Variants in CERKL observed in about 807,000 individuals in gnomAD.
The protein encoded by CERKL is ceramide kinase-like protein.
In CERKL, 61 loss-of-function variants were observed where a neutral mutation model predicts 63.4. The observed-to-expected ratio is 0.96, with a 90% confidence interval of 0.78 to 1.19. The LOEUF (loss-of-function observed/expected upper bound fraction) is 1.19. Among genes scored for constraint, CERKL ranks in the 50% most tolerant of loss-of-function variants. The pLI is 0.00. For synonymous variants in CERKL, 250 were observed against 230.5 expected (o/e 1.08, Z -0.77); for missense variants, 675 against 655.5 (o/e 1.03, Z -0.33).
At chr2:181,539,365 T>C (rs1267882907) in intron 11 of CERKL, 101 bp from the exon 12 acceptor site, 4 of 750,490 alleles carry the variant, frequency 5.3e-6, no homozygotes, top group Non-Finnish European at 9.1e-6. Flanking sequence ...TATCAGCATG[T>C]ATGCTGACAT....
At chr2:181,585,102 A>G (rs1357947814) in intron 2 of CERKL, among the ~76,000 whole-genome samples, 1 of 152,012 alleles carries the variant, frequency 6.6e-6, no homozygotes, top group Non-Finnish European at 1.5e-5. Flanking sequence ...TGTATAGAAG[A>G]GGAAATATTT....
At chr2:181,576,366 G>A (rs186372411) in intron 2 of CERKL, among the ~76,000 whole-genome samples, 1 of 152,196 alleles carries the variant, frequency 6.6e-6, no homozygotes, top group Non-Finnish European at 1.5e-5. Flanking sequence ...AATACAAAGG[G>A]CACACTTTTA....
intron 1 of CERKL, 44 bp downstream of exon 1, chr2:181,656,725 G>T: frequency 6.7e-7 from 1 of 1,498,696 alleles, no homozygotes; most frequent in Non-Finnish European, 9.0e-7. Flanking sequence ...GGGAGAGGGA[G>T]GAAGCGCGGA....
At position 181,599,441 on chromosome 2, in the gene CERKL, G is replaced by A. The variant is rs1170276730; in HGVS notation, c.481+4396C>T. On this transcript the variant is annotated intron_variant, in intron 2 of 12. Transcript: ENST00000410087. ...AATCCCAGCTACTCCAGAAGGTGAG[G>A]CAGGAGAATCGCTTGAACCCAGGAG... 3.9e-5 allele frequency among the ~76,000 whole-genome samples: 6 copies of A among 151,928 alleles called. No homozygotes were observed. The East Asian group carries it at 5.8e-4, about 15-fold the overall frequency.
At chr2:181,603,622 A>C in intron 2 of CERKL, 1 of 590,794 alleles carries the variant, frequency 1.7e-6, no homozygotes, top group Non-Finnish European at 3.1e-6. Context: ...TTAATATAAG[A>C]TACCACATTA....
intron 1 of CERKL, among the ~76,000 whole-genome samples, chr2:181,634,841 A>ATTAATTAATTTAAAAAAT (rs1687106235): frequency 6.6e-6 from 1 of 152,204 alleles, no homozygotes; most frequent in South Asian, 2.1e-4. Context: ...TTTAATGTAA[A>ATTAATTAATTTAAAAAAT]GCAACACATA....
At chr2:181,583,550 CAAAG>C (rs1684630500) in intron 2 of CERKL, among the ~76,000 whole-genome samples, 1 of 152,126 alleles carries the variant, frequency 6.6e-6, no homozygotes, top group Non-Finnish European at 1.5e-5. Context: ...AACGATATCA[CAAAG>C]AAGCCATCGG....
intron 1 of CERKL, among the ~76,000 whole-genome samples, chr2:181,628,510 T>C (rs1686808797): frequency 6.6e-6 from 1 of 152,098 alleles, no homozygotes; most frequent in Admixed American, 6.6e-5. Context: ...TCAGTGGGCA[T>C]AAAAAAGGCA....
At position 181,539,119 on chromosome 2, in the gene CERKL, A is replaced by G; in HGVS notation, c.1511T>C (p.Met504Thr). ...AATATGGACCTCTGATGCAACTTCC[A>G]TTAAGTCACCATCTACATTCCAAGG... ...CFPWNVDGDL[M>T]EVASEVHIRL... Residue 504 changes from methionine to threonine, a missense_variant, in exon 12 of 13, where the codon ATG becomes ACG. Coordinates refer to ENST00000410087, the MANE Select transcript of CERKL (RefSeq NM_201548.5). The G allele has an allele frequency of 1.2e-6, 2 of 1,607,770 alleles. No homozygotes were observed. Among genetic ancestry groups the G allele is most frequent in the East Asian group, 2.2e-5 (1 of 44,768 alleles).
intron 1 of CERKL, among the ~76,000 whole-genome samples, chr2:181,605,072 T>TA (rs1685622733): frequency 6.6e-6 from 1 of 152,148 alleles, no homozygotes; most frequent in Non-Finnish European, 1.5e-5. Flanking sequence ...GCACACAAGA[T>TA]ACGTGAAACA....
At chr2:181,543,057 T>C (rs547518639) in intron 11 of CERKL, among the ~76,000 whole-genome samples, 18 of 148,234 alleles carry the variant, frequency 1.2e-4, no homozygotes, top group Non-Finnish European at 2.2e-4. Context: ...GTTAATACTA[T>C]TTAAGTTCTC....
intron 1 of CERKL, among the ~76,000 whole-genome samples, chr2:181,628,529 C>G (rs1292675299): frequency 6.6e-6 from 1 of 152,076 alleles, no homozygotes; most frequent in Non-Finnish European, 1.5e-5. Context: ...CAGTAACCCC[C>G]AAAGATTAGT....
chr2:181,593,413 C>T (rs1005131807), intron 2 of CERKL, among the ~76,000 whole-genome samples: 6 of 151,902 alleles, frequency 3.9e-5, no homozygotes, highest in Non-Finnish European at 8.8e-5. Context: ...TCAAAATAAA[C>T]ATTTGTGGAG....
chr2:181,574,162 A>C (rs1448828764), intron 2 of CERKL, among the ~76,000 whole-genome samples: 3 of 152,226 alleles, frequency 2.0e-5, no homozygotes, highest in African/African-American at 4.8e-5. Context: ...AACTTTGTGA[A>C]TATTAGGCAG....
intron 1 of CERKL, among the ~76,000 whole-genome samples, chr2:181,652,332 T>C (rs1256416349): frequency 1.3e-5 from 2 of 152,054 alleles, no homozygotes; most frequent in Non-Finnish European, 1.5e-5. Context: ...AGCCCAGAAA[T>C]AAATTTTTGC....
chr2:181,619,335 T>G (rs180960653), intron 1 of CERKL, among the ~76,000 whole-genome samples: 1 of 152,138 alleles, frequency 6.6e-6, no homozygotes, highest in East Asian at 1.9e-4. Context: ...TCTTTTTTTT[T>G]TTGGCATTAT....
chr2:181,604,152 C>A, intron 1 of CERKL, 73 bp from the exon 2 acceptor site: 1 of 1,263,300 alleles, frequency 7.9e-7, no homozygotes, highest in Non-Finnish European at 1.1e-6. Flanking sequence ...CTGGGGCTTA[C>A]CAGAGGGTAG....
chr2:181,642,590 A>T (rs1378714606), intron 1 of CERKL, among the ~76,000 whole-genome samples: 2 of 152,210 alleles, frequency 1.3e-5, no homozygotes, highest in Non-Finnish European at 1.5e-5. Flanking sequence ...CAGATTTTCT[A>T]GTCACTGCTC....
chr2:181,579,229 A>G (rs1245059006), intron 2 of CERKL, among the ~76,000 whole-genome samples: 1 of 151,886 alleles, frequency 6.6e-6, no homozygotes, highest in Non-Finnish European at 1.5e-5. Flanking sequence ...TTTTTCTCTT[A>G]TTACTACCAA....
Sources: allele counts gnomAD v4.1 joint callset (sites outside exome capture counted in the v4.1 genomes callset), GRCh38; gene constraint gnomAD v4.1.1; transcripts MANE v1.5; gene names NCBI Gene and HGNC (gene_info 2026-07-23, HGNC 2026-07-21).